ARHGAP28: variants seen among roughly 807,000 people sequenced by gnomAD.
ARHGAP28 encodes Rho GTPase activating protein 28, also known as rho GTPase-activating protein 28.
A neutral mutation model predicts 90.7 loss-of-function variants in ARHGAP28; 56 were observed. That is an observed-to-expected ratio of 0.62 (90% CI 0.50 to 0.77). The LOEUF is 0.77. Ranked by LOEUF, ARHGAP28 falls within the 30% of genes least tolerant of loss-of-function variation. The pLI is 0.00. For missense variants in ARHGAP28, 869 were observed against 900.9 expected (o/e 0.96, Z 0.45); for synonymous variants, 308 against 323.3 (o/e 0.95, Z 0.51).
In ARHGAP28 at chr18:6,729,838, C is replaced by T. The variant is rs2143078161; in HGVS notation, c.17C>T (p.Ser6Leu). The T allele has an allele frequency of 2.1e-6, 3 of 1,423,364 alleles. No homozygotes were observed. The highest frequency in any genetic ancestry group is 3.1e-5 in the East Asian group (1 of 32,630). 88.2% of individuals were successfully genotyped at this position (1,423,364 alleles called of 1,614,324 possible). MEVED[S>L]GGVVLTAYHS... ...CGGCTGACGATGGAGGTGGAGGACTCGGGCGGCGTGGTGCTGACCGCCTAC... is the reference window on the plus strand; with the variant it reads ...CGGCTGACGATGGAGGTGGAGGACTTGGGCGGCGTGGTGCTGACCGCCTAC... Residue 6 changes from serine (S) to leucine (L), a missense_variant, in exon 1 of 18, where the codon TCG (serine) becomes TTG (leucine). Ser to Leu is a moderately radical substitution (Grantham distance 145). Coordinates refer to ENST00000383472, the MANE Select transcript of ARHGAP28 (RefSeq NM_001366230.1).
rs988747038 is a variant in ARHGAP28 at position 6,837,211 on chromosome 18, G to T, written c.340G>T (p.Ala114Ser). 4 of 1,552,300 alleles carry T rather than the reference G, an allele frequency of 2.6e-6. No individual in the cohort carries two copies. In the South Asian group the frequency reaches 4.7e-5, roughly 18 times the overall value. ...VTPVDEGELEAEWLQDVGLST... is the reference protein window; with the variant it reads ...VTPVDEGELESEWLQDVGLST... ...TTCTTTCACAGAAGGAGAACTTGAA[G>T]CAGAATGGCTGCAAGATGTGGGTTT... Residue 114 changes from alanine (A) to serine (S), a missense_variant, in exon 3 of 18, where the codon GCA becomes TCA. Transcript: ENST00000383472.
intron 5 of ARHGAP28, among the ~76,000 whole-genome samples, chr18:6,861,074 AT>A (rs2056994358): frequency 6.6e-6 from 1 of 152,234 alleles, no homozygotes; most frequent in South Asian, 2.1e-4. Context: ...AACTGTTCGA[AT>A]AAGGAGTGAC....
rs1383439101 is a variant in ARHGAP28 at position 6,824,857 on chromosome 18, T to C, written c.218T>C (p.Val73Ala). 16 of 1,536,458 alleles carry C rather than the reference T, an allele frequency of 1.0e-5. No individual in the cohort carries two copies. The highest frequency in any genetic ancestry group is 1.3e-5 in the Non-Finnish European group (15 of 1,146,984). The change falls in exon 2 of 18, where the codon GTA becomes GCA. Residue 73 changes from valine to alanine, a missense_variant. By Grantham distance (64) the Val-to-Ala change is moderately conservative. Coordinates refer to ENST00000383472, the MANE Select transcript of ARHGAP28 (RefSeq NM_001366230.1). ...AFSRSNSEAS[V>A]DSASMEDFWR... ...AGCCGTTCCAACTCAGAAGCCTCCG[T>C]AGACAGCGCCTCCATGGAGGATTTC...
chr18:6,864,247 G>A (rs2057020855), intron 5 of ARHGAP28, among the ~76,000 whole-genome samples: 2 of 151,984 alleles, frequency 1.3e-5, no homozygotes, highest in African/African-American at 4.8e-5. Flanking sequence ...TGTATTTTTA[G>A]TAGAGACTGG....
At chr18:6,809,016 C>A (rs995126106) in intron 1 of ARHGAP28, among the ~76,000 whole-genome samples, 9 of 152,194 alleles carry the variant, frequency 5.9e-5, no homozygotes, top group African/African-American at 2.2e-4. Context: ...AGCCAACTCG[C>A]CTTCCTGAGC....
In ARHGAP28 at chr18:6,914,913, A is replaced by C. The variant is rs993027480; in HGVS notation, c.*2759A>C. The stretch of plus-strand genomic sequence containing the variant: ...CTTGGAGTCAATGATCTCTAAACAA[A>C]CTGGATTATCAACTATTTACAACGT... On this transcript the variant is annotated 3_prime_UTR_variant, in exon 18 of 18. Transcript: ENST00000383472. 1 of 152,564 alleles carries C rather than the reference A, an allele frequency of 6.6e-6. No individual in the cohort carries two copies. Among genetic ancestry groups the C allele is most frequent in the Admixed American group, 6.5e-5 (1 of 15,274 alleles). 9.5% of individuals were successfully genotyped at this position (152,564 alleles called of 1,614,324 possible). A position where few individuals can be genotyped will look rare whatever the true frequency, so the allele number is the denominator to read the frequency against.
intron 3 of ARHGAP28, among the ~76,000 whole-genome samples, chr18:6,841,152 CCTCTTTCTCT>C (rs1358880669): frequency 1.8e-5 from 2 of 112,236 alleles, no homozygotes; most frequent in African/African-American, 6.7e-5. Context: ...CTGTCTCTCT[CCTCTTTCTCT>C]CTCTCCTCTC....
At chr18:6,755,014 G>A (rs1196693307) in intron 1 of ARHGAP28, among the ~76,000 whole-genome samples, 1 of 151,878 alleles carries the variant, frequency 6.6e-6, no homozygotes, top group East Asian at 1.9e-4. Flanking sequence ...TAGGTGTGGT[G>A]GTACACCTAG....
At chr18:6,849,981 T>G (rs939855091) in intron 3 of ARHGAP28, among the ~76,000 whole-genome samples, 25 of 152,176 alleles carry the variant, frequency 1.6e-4, no homozygotes, top group Non-Finnish European at 3.2e-4. Context: ...CTCACATATC[T>G]TAAATTGTCA....
intron 5 of ARHGAP28, among the ~76,000 whole-genome samples, chr18:6,861,325 G>A (rs2056996794): frequency 6.6e-6 from 1 of 152,166 alleles, no homozygotes; most frequent in Non-Finnish European, 1.5e-5. Context: ...CTGTCTTACA[G>A]TCTCTCAGTA....
chr18:6,892,158 C>A lies in ARHGAP28; in HGVS notation c.1848+1615C>A, dbSNP rs563386184. On this transcript the variant is annotated intron_variant, in intron 14 of 17. Coordinates refer to ENST00000383472, the MANE Select transcript of ARHGAP28 (RefSeq NM_001366230.1). ...ATAATATAAAATTCACTATTTTAAG[C>A]TTTGAAATTATACCAATTCAGTGTG... Among the ~76,000 whole-genome samples the A allele has an allele frequency of 2.6e-5, 4 of 151,998 alleles. No homozygotes were observed. The South Asian group carries it at 8.3e-4, about 32-fold the overall frequency.
chr18:6,870,912 T>C (rs886978851), intron 7 of ARHGAP28, among the ~76,000 whole-genome samples, 180 bp downstream of exon 7: 1 of 152,136 alleles, frequency 6.6e-6, no homozygotes, highest in Non-Finnish European at 1.5e-5. Flanking sequence ...GCCATTCTCC[T>C]GCCTCAGCCT....
intron 11 of ARHGAP28, among the ~76,000 whole-genome samples, chr18:6,885,803 T>G (rs2057215898): frequency 5.1e-5 from 1 of 19,766 alleles, no homozygotes; most frequent in South Asian, 1.1e-3. Context: ...CCCAGAGTTG[T>G]TTTTTTTTTT....
At chr18:6,841,185 C>G (rs1045441616) in intron 3 of ARHGAP28, among the ~76,000 whole-genome samples, 1 of 56,482 alleles carries the variant, frequency 1.8e-5, no homozygotes, top group African/African-American at 1.0e-4. Context: ...TCTCTCCTCT[C>G]TCTCTCTCTC....
chr18:6,744,328 A>G (rs2143204442), intron 1 of ARHGAP28, among the ~76,000 whole-genome samples: 1 of 152,236 alleles, frequency 6.6e-6, no homozygotes, highest in Non-Finnish European at 1.5e-5. Context: ...TTTAATGTGC[A>G]CTTTGAGTAA....
intron 1 of ARHGAP28, among the ~76,000 whole-genome samples, chr18:6,759,892 G>A (rs949777832): frequency 2.6e-5 from 4 of 152,082 alleles, no homozygotes; most frequent in Non-Finnish European, 5.9e-5. Flanking sequence ...CATTTAGATA[G>A]GTATCAGAAC....
At chr18:6,775,415 T>C (rs1202141303) in intron 1 of ARHGAP28, among the ~76,000 whole-genome samples, 1 of 152,240 alleles carries the variant, frequency 6.6e-6, no homozygotes, top group Non-Finnish European at 1.5e-5. Flanking sequence ...TCTTTGACTC[T>C]ATTGAACTTG....
chr18:6,890,447 C>T lies in ARHGAP28; in HGVS notation c.1752C>T (p.Ile584=), dbSNP rs775066890. ...TTCTCCAGGTTCCATCTTTCTTAAT[C>T]ACTCAAGTAAGAAGAATGAATGAAG... ...KILWKVPSFL[I]TQVRRMNEAT... is the part of the protein sequence containing the mutation. The change falls in exon 14 of 18, where the codon ATC becomes ATT. Residue 584 remains isoleucine (I), a synonymous_variant. Transcript: ENST00000383472. The T allele has an allele frequency of 5.0e-6, 8 of 1,608,828 alleles. No individual in the cohort carries two copies. In the South Asian group the frequency reaches 7.7e-5, roughly 16 times the overall value.
intron 2 of ARHGAP28, among the ~76,000 whole-genome samples, chr18:6,832,491 G>T (rs2056723810): frequency 6.6e-6 from 1 of 151,874 alleles, no homozygotes; most frequent in African/African-American, 2.4e-5. Context: ...ACTGAGAGAA[G>T]TTGTTAAAAT....
Sources: gnomAD v4.1 joint callset for allele counts (sites outside exome capture counted in the v4.1 genomes callset) on GRCh38, gnomAD v4.1.1 for gene constraint, MANE v1.5 for transcripts, NCBI Gene and HGNC (gene_info 2026-07-23, HGNC 2026-07-21) for gene names.